CHN1: variants seen among roughly 807,000 people sequenced by gnomAD.
The protein encoded by CHN1 is N-chimaerin.
In CHN1, 37 loss-of-function variants were observed where a neutral mutation model predicts 59.5. The observed-to-expected ratio is 0.62, with a 90% CI of 0.48 to 0.82. CHN1 has a LOEUF of 0.82. Ranked by LOEUF, CHN1 falls within the 40% of genes least tolerant of loss-of-function variation. The pLI is 0.00. For missense variants in CHN1, 469 were observed against 571.0 expected, an observed-to-expected ratio of 0.82 and a Z score of 1.82; for synonymous variants, 206 against 200.4, an observed-to-expected ratio of 1.03 and a Z score of -0.24.
chr2:174,827,118 A>G (rs1685712560), intron 7 of CHN1, among the ~76,000 whole-genome samples: 1 of 152,172 alleles, frequency 6.6e-6, no homozygotes, highest in African/African-American at 2.4e-5. Flanking sequence ...TAAAATCCAT[A>G]TATCTCAAGT....
intron 6 of CHN1, among the ~76,000 whole-genome samples, chr2:174,861,942 C>T (rs182140970): frequency 1.3e-5 from 2 of 152,246 alleles, no homozygotes; most frequent in African/African-American, 4.8e-5. Context: ...TAAAAACCCT[C>T]TGCAATAAAT....
chr2:174,986,936 CTG>C, intron 1 of CHN1, among the ~76,000 whole-genome samples: 1 of 152,112 alleles, frequency 6.6e-6, no homozygotes. Context: ...CAGGGTTTCA[CTG>C]TGTTAGCCAG....
intron 6 of CHN1, among the ~76,000 whole-genome samples, chr2:174,871,526 TG>T (rs1232991965): frequency 2.6e-5 from 4 of 152,050 alleles, no homozygotes; most frequent in Non-Finnish European, 5.9e-5. Context: ...GAAACAATAC[TG>T]GGGGAAAAAA....
At chr2:174,911,056 T>C (rs1013742758) in intron 5 of CHN1, among the ~76,000 whole-genome samples, 1 of 152,082 alleles carries the variant, frequency 6.6e-6, no homozygotes. Flanking sequence ...CTAAATAACA[T>C]AGTATTTGAC....
At chr2:174,992,774 G>A (rs1490477214) in intron 1 of CHN1, among the ~76,000 whole-genome samples, 1 of 152,058 alleles carries the variant, frequency 6.6e-6, no homozygotes, top group African/African-American at 2.4e-5. Context: ...TCAGTTGAGA[G>A]AGAATCCCTC....
chr2:174,994,753 A>AT lies in CHN1; in HGVS notation c.19+10140dup, dbSNP rs554745773. Among the ~76,000 whole-genome samples the AT allele has an allele frequency of 4.5e-4, 69 of 152,250 alleles. No homozygotes were observed. In the East Asian group the frequency reaches 0.013, roughly 28 times the overall value. ...TGGTGCCAAAGGCTCATTAAGTAAA[A>AT]TTTTTTCTGGAAAGTAGCCCAGCAT... is the stretch of plus-strand genomic sequence containing the variant. On this transcript the variant is annotated intron_variant, in intron 1 of 12. Transcript: ENST00000409900.
At chr2:174,961,726 CTT>C (rs1690417233) in intron 1 of CHN1, among the ~76,000 whole-genome samples, 4 of 152,098 alleles carry the variant, frequency 2.6e-5, no homozygotes, top group African/African-American at 9.7e-5. Context: ...CTGCAAATCT[CTT>C]TAATGTCTAG....
At chr2:174,944,815 C>A in intron 3 of CHN1, 73 bp downstream of exon 3, 1 of 1,011,054 alleles carries the variant, frequency 9.9e-7, no homozygotes, top group Non-Finnish European at 1.5e-6. Context: ...ACAACCAAGC[C>A]ACTGAAGAAG....
At chr2:174,960,310 T>C (rs1690356982) in intron 1 of CHN1, among the ~76,000 whole-genome samples, 1 of 152,206 alleles carries the variant, frequency 6.6e-6, no homozygotes, top group Admixed American at 6.5e-5. Context: ...TCAACCTAAA[T>C]GTCCAACAAC....
chr2:174,904,170 G>A (rs1688472132), intron 5 of CHN1, among the ~76,000 whole-genome samples: 1 of 151,868 alleles, frequency 6.6e-6, no homozygotes, highest in African/African-American at 2.4e-5. Flanking sequence ...GGCTGAGGCA[G>A]GAGAATCGCT....
intron 5 of CHN1, among the ~76,000 whole-genome samples, chr2:174,898,101 C>A (rs968630863): frequency 1.3e-5 from 2 of 152,092 alleles, no homozygotes; most frequent in Non-Finnish European, 2.9e-5. Context: ...GGTATCTTCA[C>A]CCCTCTGCCG....
chr2:174,980,424 G>C (rs1691106811), intron 1 of CHN1, among the ~76,000 whole-genome samples: 1 of 152,112 alleles, frequency 6.6e-6, no homozygotes, highest in Non-Finnish European at 1.5e-5. Flanking sequence ...GAGCTCCTCA[G>C]AACATAAAAA....
intron 7 of CHN1, among the ~76,000 whole-genome samples, chr2:174,830,958 A>AT (rs1685860354): frequency 1.3e-5 from 2 of 152,212 alleles, no homozygotes; most frequent in Non-Finnish European, 2.9e-5. Flanking sequence ...AAATTGAGAG[A>AT]AATACCATAA....
At chr2:174,822,191 C>T (rs563038847) in intron 8 of CHN1, among the ~76,000 whole-genome samples, 1 of 152,130 alleles carries the variant, frequency 6.6e-6, no homozygotes, top group African/African-American at 2.4e-5. Flanking sequence ...TAATATGGTT[C>T]AAATCACACT....
intron 8 of CHN1, among the ~76,000 whole-genome samples, chr2:174,820,159 T>C (rs1043171886): frequency 1.3e-5 from 2 of 152,112 alleles, no homozygotes; most frequent in Non-Finnish European, 2.9e-5. Flanking sequence ...AGCAGCATGA[T>C]TTATAATCCT....
At chr2:174,964,208 T>C (rs1690522778) in intron 1 of CHN1, among the ~76,000 whole-genome samples, 1 of 152,168 alleles carries the variant, frequency 6.6e-6, no homozygotes, top group African/African-American at 2.4e-5. Context: ...CAAGCCTGGA[T>C]AATGTTTCAA....
intron 5 of CHN1, among the ~76,000 whole-genome samples, chr2:174,893,828 T>C: frequency 6.6e-6 from 1 of 152,182 alleles, no homozygotes; most frequent in East Asian, 1.9e-4. Context: ...CTGTCATGTG[T>C]ATGGTCAAAT....
At chr2:174,879,558 A>G (rs1461314323) in intron 5 of CHN1, among the ~76,000 whole-genome samples, 2 of 152,206 alleles carry the variant, frequency 1.3e-5, no homozygotes, top group African/African-American at 2.4e-5. Context: ...ATAAAGCCTA[A>G]AAAATTAGAC....
intron 2 of CHN1, among the ~76,000 whole-genome samples, chr2:174,947,915 T>A (rs1574200133): frequency 6.6e-6 from 1 of 152,244 alleles, no homozygotes; most frequent in East Asian, 1.9e-4. Flanking sequence ...GAATTTCTGA[T>A]AATTTGAATT....
Sources: allele counts gnomAD v4.1 joint callset (sites outside exome capture counted in the v4.1 genomes callset), GRCh38; gene constraint gnomAD v4.1.1; transcripts MANE v1.5; gene names NCBI Gene and HGNC (gene_info 2026-07-23, HGNC 2026-07-21).